The following HOOK3 variants were observed in gnomAD, a reference collection of about 807,000 sequenced individuals.
The protein encoded by HOOK3 is hook microtubule tethering protein 3.
HOOK3 carries 24 observed loss-of-function variants against 116.3 expected under a neutral mutation model. The observed-to-expected ratio is 0.21, with a 90% CI of 0.15 to 0.29. The LOEUF (loss-of-function observed/expected upper bound fraction) is 0.29. HOOK3 is among the 10% of genes least tolerant of loss of function. The pLI is 1.00. For missense variants in HOOK3, 632 were observed against 830.2 expected, an observed-to-expected ratio of 0.76 and a Z score of 2.93; for synonymous variants, 275 against 283.0, an observed-to-expected ratio of 0.97 and a Z score of 0.28.
chr8:42,921,448 C>CTTT (rs949022775), intron 2 of HOOK3, among the ~76,000 whole-genome samples: 14 of 152,264 alleles, frequency 9.2e-5, no homozygotes, highest in Middle Eastern at 3.4e-3. Context: ...TTTTATAACT[C>CTTT]TTTAATGTTT....
At chr8:43,007,952 G>C in intron 18 of HOOK3, 23 bp downstream of exon 18, 1 of 1,374,686 alleles carries the variant, frequency 7.3e-7, no homozygotes, top group Non-Finnish European at 1.0e-6. Flanking sequence ...AATTAGGATA[G>C]TTTTTAAGTG....
chr8:43,014,015 G>A (rs1241763985), intron 21 of HOOK3, among the ~76,000 whole-genome samples: 3 of 152,084 alleles, frequency 2.0e-5, no homozygotes, highest in Non-Finnish European at 4.4e-5. Context: ...TTGGCCAGGC[G>A]TGATGGCTCA....
intron 1 of HOOK3, among the ~76,000 whole-genome samples, chr8:42,902,482 G>A (rs546452330): frequency 6.5e-4 from 99 of 152,056 alleles, no homozygotes; most frequent in African/African-American, 2.3e-3. Context: ...ATGTTTTTCA[G>A]CATGGTCTCG....
At chr8:42,972,670 G>C (rs1808746766) in intron 11 of HOOK3, among the ~76,000 whole-genome samples, 2 of 152,184 alleles carry the variant, frequency 1.3e-5, no homozygotes, top group Admixed American at 1.3e-4. Context: ...AAAGTGCTGG[G>C]ATTACAGGCG....
rs376380806 is a variant in HOOK3, at chr8:42,913,835, A to G, written c.143+7577A>G. ...ATTCTAGTGGCTGTCTAGTGGTTTT[A>G]ATTTTCATTTCAATAATGATTAATG... On this transcript the variant is annotated intron_variant, in intron 2 of 21. Coordinates refer to ENST00000307602, the MANE Select transcript of HOOK3 (RefSeq NM_032410.4). Among the ~76,000 whole-genome samples, 27 of 152,242 alleles carry G rather than the reference A, an allele frequency of 1.8e-4. No homozygotes were observed. The South Asian group carries it at 5.0e-3, about 28-fold the overall frequency.
intron 4 of HOOK3, among the ~76,000 whole-genome samples, chr8:42,939,614 CG>C (rs971323749): frequency 1.4e-5 from 2 of 147,824 alleles, no homozygotes; most frequent in African/African-American, 5.0e-5. Context: ...GCTGGCCGGG[CG>C]GGGGGCTGAC....
At position 43,018,699 on chromosome 8, in the gene HOOK3, T is replaced by C. The variant is rs1025387374; in HGVS notation, c.*201T>C. ...GTTTTTATTTTGTAGTCCTTTCAGT[T>C]ATTTTTAATGTGCCAAAAATTTGTA... On this transcript the variant is annotated 3_prime_UTR_variant, in exon 22 of 22. Transcript: ENST00000307602. The C allele has an allele frequency of 7.2e-5, 35 of 485,880 alleles. No homozygotes were observed. The highest frequency in any genetic ancestry group is 5.6e-4 in the Middle Eastern group (1 of 1,786). The allele number at this position is 485,880 out of a possible 1,614,324, so 30.1% of individuals were successfully genotyped here.
Position 42,968,048 on chromosome 8 carries a change from A to G in HOOK3, c.956A>G (p.Gln319Arg), listed in dbSNP as rs1282935330. The change falls in exon 11 of 22, where the codon CAA becomes CGA. Residue 319 changes from glutamine (Q) to arginine (R), a missense_variant. By Grantham distance (43) the Gln-to-Arg change is conservative. Transcript: ENST00000307602. Reference sequence around the variant, plus strand: ...GATAAAGTATCTAAACTAGAAGGTCAAGTAGAATCTTATAAAAAGAAGCTA... The same window carrying G: ...GATAAAGTATCTAAACTAGAAGGTCGAGTAGAATCTTATAAAAAGAAGCTA... The part of the protein sequence containing the change: ...SSDKVSKLEG[Q>R]VESYKKKLED... 4.4e-6 allele frequency: 7 copies of G among 1,602,598 alleles called. No homozygotes were observed. Among genetic ancestry groups the G allele is most frequent in the Non-Finnish European group, 6.0e-6 (7 of 1,169,864 alleles).
At chr8:42,928,628 A>T (rs570182287) in intron 3 of HOOK3, among the ~76,000 whole-genome samples, 33 of 152,324 alleles carry the variant, frequency 2.2e-4, no homozygotes, top group African/African-American at 7.7e-4. Context: ...GTCATGAGTA[A>T]GGCAGTGGTA....
chr8:42,922,200 T>C (rs1807670328), intron 2 of HOOK3, among the ~76,000 whole-genome samples: 1 of 152,162 alleles, frequency 6.6e-6, no homozygotes, highest in African/African-American at 2.4e-5. Context: ...AGGAGCTTCT[T>C]AGATATGACA....
At chr8:42,999,900 A>C (rs1410802357) in intron 16 of HOOK3, among the ~76,000 whole-genome samples, 2 of 152,150 alleles carry the variant, frequency 1.3e-5, no homozygotes, top group Non-Finnish European at 2.9e-5. Flanking sequence ...TAATCCTAGC[A>C]CTTTGGGAGG....
rs527813594 is a variant in HOOK3 at position 42,940,699 on chromosome 8, A to G, written c.268-2614A>G. Among the ~76,000 whole-genome samples, 10 of 151,736 alleles carry G rather than the reference A, an allele frequency of 6.6e-5. No homozygotes were observed. In the East Asian group the frequency reaches 1.6e-3, roughly 24 times the overall value. ...CCTTAACATTTTTTTCTTCATTTCA[A>G]CCTTGGTGAATCTGACGATTATGTG... On this transcript the variant is annotated intron_variant, in intron 4 of 21. Coordinates refer to ENST00000307602, the MANE Select transcript of HOOK3 (RefSeq NM_032410.4).
At position 43,002,118 on chromosome 8, in the gene HOOK3, A is replaced by G. The variant is rs370499282; in HGVS notation, c.1632A>G (p.Leu544=). 1.9e-6 allele frequency: 3 copies of G among 1,587,664 alleles called. No individual in the cohort carries two copies. The highest frequency in any genetic ancestry group is 2.6e-6 in the Non-Finnish European group (3 of 1,156,408). The change falls in exon 17 of 22, where the codon CTA becomes CTG. Residue 544 remains leucine (L), a synonymous_variant. Coordinates refer to ENST00000307602, the MANE Select transcript of HOOK3 (RefSeq NM_032410.4). ...QGSKAEDSVL[L]KKKLEEHLEK... ...TTTTTCATTTTTAGTCAGTCCTTCT[A>G]AAAAAGAAGCTTGAAGAACATCTGT... is the stretch of plus-strand genomic sequence containing the variant.
intron 19 of HOOK3, among the ~76,000 whole-genome samples, chr8:43,012,802 A>G (rs1586634718): frequency 6.6e-6 from 1 of 151,736 alleles, no homozygotes; most frequent in Admixed American, 6.6e-5. Flanking sequence ...GGTTCTCACT[A>G]TGTTGCCCAG....
intron 1 of HOOK3, among the ~76,000 whole-genome samples, chr8:42,902,114 C>T (rs1440366876): frequency 6.6e-6 from 1 of 152,108 alleles, no homozygotes; most frequent in African/African-American, 2.4e-5. Context: ...GCATCCCTTC[C>T]CTTTCATAGT....
At chr8:42,946,328 T>C (rs534477134) in intron 5 of HOOK3, among the ~76,000 whole-genome samples, 261 of 152,160 alleles carry the variant, frequency 1.7e-3, no homozygotes, top group African/African-American at 6.1e-3. Flanking sequence ...AGACAATGGG[T>C]TAAGAGTAAT....
At chr8:42,912,274 G>GT (rs1437985455) in intron 2 of HOOK3, among the ~76,000 whole-genome samples, 1 of 152,168 alleles carries the variant, frequency 6.6e-6, no homozygotes, top group Non-Finnish European at 1.5e-5. Flanking sequence ...TTTTGTTAGT[G>GT]TAAGTTTTTA....
At chr8:43,014,909 C>T (rs1199617836) in intron 21 of HOOK3, among the ~76,000 whole-genome samples, 2 of 152,048 alleles carry the variant, frequency 1.3e-5, no homozygotes, top group Non-Finnish European at 2.9e-5. Context: ...CTTTGGGAGT[C>T]TGAGGCAGGC....
intron 17 of HOOK3, among the ~76,000 whole-genome samples, chr8:43,004,661 G>T (rs988175348): frequency 2.8e-5 from 4 of 143,330 alleles, no homozygotes; most frequent in African/African-American, 1.0e-4. Flanking sequence ...AGCCTGGGAG[G>T]CAGAGCAAGA....
Sources: gnomAD v4.1 joint callset for allele counts (sites outside exome capture counted in the v4.1 genomes callset) on GRCh38, gnomAD v4.1.1 for gene constraint, MANE v1.5 for transcripts, NCBI Gene and HGNC (gene_info 2026-07-23, HGNC 2026-07-21) for gene names.